LDLRAD4: variants seen among roughly 807,000 people sequenced by gnomAD.
The protein encoded by LDLRAD4 is low-density lipoprotein receptor class A domain-containing protein 4.
LDLRAD4 carries 5 observed loss-of-function variants against 17.0 expected under a neutral mutation model. The ratio of observed to expected loss-of-function variants is 0.29; its 90% CI spans 0.15 to 0.62. LDLRAD4 has a LOEUF of 0.62. LDLRAD4 is among the 20% of genes least tolerant of loss of function. LDLRAD4 has a pLI of 0.84. For synonymous variants in LDLRAD4, 168 were observed against 171.8 expected, an observed-to-expected ratio of 0.98 and a Z score of 0.17; for missense variants, 340 against 424.7, an observed-to-expected ratio of 0.80 and a Z score of 1.75.
At chr18:13,301,586 C>T (rs2146578356) in intron 1 of LDLRAD4, among the ~76,000 whole-genome samples, 1 of 152,314 alleles carries the variant, frequency 6.6e-6, no homozygotes, top group Non-Finnish European at 1.5e-5. Context: ...GACGGAAGCT[C>T]ACCTTGTCCC....
intron 4 of LDLRAD4, among the ~76,000 whole-genome samples, chr18:13,630,455 G>C (rs1359718296): frequency 6.6e-6 from 1 of 152,186 alleles, no homozygotes; most frequent in African/African-American, 2.4e-5. Context: ...AGAAGGCAAA[G>C]GTGTTGCTGA....
intron 4 of LDLRAD4, among the ~76,000 whole-genome samples, chr18:13,623,895 C>T (rs2040878310): frequency 2.6e-5 from 4 of 151,936 alleles, no homozygotes. Flanking sequence ...ATGCCTGTTC[C>T]CCGTATACAG....
chr18:13,375,009 A>G (rs2084798281), intron 1 of LDLRAD4, among the ~76,000 whole-genome samples: 1 of 152,194 alleles, frequency 6.6e-6, no homozygotes, highest in Admixed American at 6.5e-5. Context: ...AGATTGCGGG[A>G]ACACTGGGCA....
chr18:13,251,263 C>T (rs149292261), intron 1 of LDLRAD4, among the ~76,000 whole-genome samples: 20 of 152,328 alleles, frequency 1.3e-4, no homozygotes, highest in African/African-American at 4.8e-4. Context: ...AAAACCACAG[C>T]TGACATCGTA....
At chr18:13,559,366 T>C (rs1230790149) in intron 3 of LDLRAD4, among the ~76,000 whole-genome samples, 2 of 152,152 alleles carry the variant, frequency 1.3e-5, no homozygotes, top group African/African-American at 4.8e-5. Context: ...TGAAATGGCA[T>C]TCATGGAAAA....
intron 3 of LDLRAD4, among the ~76,000 whole-genome samples, chr18:13,619,399 A>C (rs2040381462): frequency 6.6e-6 from 1 of 151,748 alleles, no homozygotes; most frequent in African/African-American, 2.4e-5. Flanking sequence ...AAAGGGCCCA[A>C]GCCCCTGCTC....
intron 1 of LDLRAD4, among the ~76,000 whole-genome samples, chr18:13,325,912 C>G (rs2081508200): frequency 6.6e-6 from 1 of 152,156 alleles, no homozygotes. Flanking sequence ...GCCACCGTGC[C>G]TGCCACCACG....
At chr18:13,640,770 G>A (rs900970324) in intron 4 of LDLRAD4, among the ~76,000 whole-genome samples, 1 of 152,160 alleles carries the variant, frequency 6.6e-6, no homozygotes, top group Non-Finnish European at 1.5e-5. Flanking sequence ...CCTGGCCTCA[G>A]GAACTCTCTG....
exon 6 of LDLRAD4, chr18:13,646,037 AAC>A (rs2043004187): frequency 6.0e-6 from 1 of 168,040 alleles, no homozygotes; most frequent in Non-Finnish European, 1.3e-5. Context: ...TTTTATAATT[AAC>A]TGAATAAAGA....
chr18:13,365,017 G>A (rs569016197), intron 1 of LDLRAD4, among the ~76,000 whole-genome samples: 1 of 152,340 alleles, frequency 6.6e-6, no homozygotes, highest in East Asian at 1.9e-4. Flanking sequence ...GTGCTGCTGA[G>A]TTGTGCAGTA....
At chr18:13,599,521 C>A (rs112033515) in intron 3 of LDLRAD4, among the ~76,000 whole-genome samples, 156 of 134,292 alleles carry the variant, frequency 1.2e-3, no homozygotes, top group Non-Finnish European at 2.1e-3. Context: ...GACAGAGTCT[C>A]ACTCAGTCAC....
chr18:13,580,511 C>G (rs2094841411), intron 3 of LDLRAD4, among the ~76,000 whole-genome samples: 1 of 152,240 alleles, frequency 6.6e-6, no homozygotes, highest in Admixed American at 6.5e-5. Flanking sequence ...TCGGCTGCTG[C>G]TGGGAGGATG....
At chr18:13,343,416 C>A (rs1045462650) in intron 1 of LDLRAD4, among the ~76,000 whole-genome samples, 1 of 151,998 alleles carries the variant, frequency 6.6e-6, no homozygotes, top group Non-Finnish European at 1.5e-5. Context: ...ATGAATTCAT[C>A]ATTTTTTATG....
intron 1 of LDLRAD4, among the ~76,000 whole-genome samples, chr18:13,346,067 G>T (rs1251895556): frequency 2.6e-5 from 4 of 152,068 alleles, no homozygotes; most frequent in Non-Finnish European, 4.4e-5. Context: ...GGTTTTTTGT[G>T]TCTCTATTTC....
chr18:13,256,235 AG>A (rs1276409271), intron 1 of LDLRAD4, among the ~76,000 whole-genome samples: 4 of 152,198 alleles, frequency 2.6e-5, no homozygotes, highest in Non-Finnish European at 5.9e-5. Context: ...CCCTGGATGT[AG>A]GGGGAGGCTT....
chr18:13,225,117 T>A (rs193107593), intron 1 of LDLRAD4, among the ~76,000 whole-genome samples: 1 of 152,354 alleles, frequency 6.6e-6, no homozygotes, highest in Admixed American at 6.5e-5. Context: ...ATTACAGGTG[T>A]GAGCCACTGC....
intron 3 of LDLRAD4, among the ~76,000 whole-genome samples, chr18:13,606,811 T>C (rs926374027): frequency 2.0e-5 from 3 of 152,174 alleles, no homozygotes; most frequent in Non-Finnish European, 2.9e-5. Context: ...CAGAGCAAAA[T>C]TTTATAGCAT....
In LDLRAD4 at chr18:13,621,722, A is replaced by T. The variant is rs2040655453; in HGVS notation, c.336+451A>T. Among the ~76,000 whole-genome samples the T allele has an allele frequency of 6.6e-6, 1 of 152,162 alleles. No homozygotes were observed. The highest frequency in any genetic ancestry group is 2.4e-5 in the African/African-American group (1 of 41,436). On this transcript the variant is annotated intron_variant, in intron 4 of 5. Transcript: ENST00000359446. This position sits in a 1 kb window ranked among gnomAD's most constrained non-coding sequence, Gnocchi z 5.5. ...TCGTCACTAAACGTGCCGGCAGCACATGGGTGCCATGAGCTGGAGGACGCC... is the reference window on the plus strand; with the variant it reads ...TCGTCACTAAACGTGCCGGCAGCACTTGGGTGCCATGAGCTGGAGGACGCC...
At chr18:13,476,797 T>C (rs140809422) in intron 3 of LDLRAD4, among the ~76,000 whole-genome samples, 183 of 152,306 alleles carry the variant, frequency 1.2e-3, no homozygotes, top group African/African-American at 4.4e-3. Context: ...CTTCACTCAC[T>C]GTGGGACCTG....
Sources: gnomAD v4.1 joint callset for allele counts (sites outside exome capture counted in the v4.1 genomes callset) on GRCh38, gnomAD v4.1.1 for gene constraint, Gnocchi (gnomAD v3.1) non-coding constraint, MANE v1.5 for transcripts, NCBI Gene and HGNC (gene_info 2026-07-23, HGNC 2026-07-21) for gene names.